VPS53: variants seen among roughly 807,000 people sequenced by gnomAD.
VPS53 encodes the protein VPS53 subunit of GARP complex, also known as vacuolar protein sorting-associated protein 53 homolog.
In VPS53, 70 loss-of-function variants were observed where a neutral mutation model predicts 107.0. The observed-to-expected ratio is 0.65, with a 90% CI of 0.54 to 0.80. VPS53 has a LOEUF of 0.80. Ranked by LOEUF, VPS53 falls within the 30% of genes least tolerant of loss-of-function variation. VPS53 has a pLI of 0.00. For synonymous variants in VPS53, 409 were observed against 393.3 expected (o/e 1.04, Z -0.47); for missense variants, 917 against 1,049.4 (o/e 0.87, Z 1.74).
At chr17:560,310 G>A in intron 15 of VPS53, 116 bp downstream of exon 15, 3 of 1,347,694 alleles carry the variant, frequency 2.2e-6, no homozygotes, top group South Asian at 1.6e-5. Context: ...CAGGCCAACT[G>A]GTCTGACCCA....
chr17:563,771 A>C (rs552685915), intron 13 of VPS53, among the ~76,000 whole-genome samples: 3 of 152,350 alleles, frequency 2.0e-5, no homozygotes, highest in African/African-American at 7.2e-5. Flanking sequence ...TAAGCACTCT[A>C]CTTCCTAAAA....
At chr17:592,294 G>A (rs917347783) in intron 12 of VPS53, among the ~76,000 whole-genome samples, 2 of 152,122 alleles carry the variant, frequency 1.3e-5, no homozygotes, top group African/African-American at 4.8e-5. Context: ...CTCTGCCCGT[G>A]AGATGGGTTT....
rs1330861911 is a variant in VPS53, at chr17:509,173, T to A, written c.*9955A>T. 1 of 143,380 alleles carries A rather than the reference T, an allele frequency of 7.0e-6. No homozygotes were observed. Among genetic ancestry groups the A allele is most frequent in the African/African-American group, 2.7e-5 (1 of 37,648 alleles). The allele number at this position is 143,380 out of a possible 1,614,324, so 8.9% of individuals were successfully genotyped here. A position where few individuals can be genotyped will look rare whatever the true frequency, so the allele number is the denominator to read the frequency against. ...ATCAAATCCTGCCTCACCCCCTTACTAGTCACATATCAAATCCTGCCTCAC... is the reference window on the plus strand; with the variant it reads ...ATCAAATCCTGCCTCACCCCCTTACAAGTCACATATCAAATCCTGCCTCAC... On this transcript the variant is annotated 3_prime_UTR_variant, in exon 22 of 22. Transcript: ENST00000437048.
intron 12 of VPS53, among the ~76,000 whole-genome samples, chr17:587,998 CT>C (rs1489018511): frequency 6.6e-6 from 1 of 152,194 alleles, no homozygotes; most frequent in African/African-American, 2.4e-5. Flanking sequence ...CCTCCCACCC[CT>C]GTTGTTACGA....
At chr17:613,757 C>G (rs1244180130) in intron 11 of VPS53, among the ~76,000 whole-genome samples, 1 of 152,014 alleles carries the variant, frequency 6.6e-6, no homozygotes, top group African/African-American at 2.4e-5. Flanking sequence ...TAGCAGTATT[C>G]AAATAGTGAA....
intron 7 of VPS53, among the ~76,000 whole-genome samples, chr17:642,350 G>C (rs539375454): frequency 2.2e-3 from 326 of 149,674 alleles, no homozygotes; most frequent in African/African-American, 7.6e-3. Context: ...TACTTGGAAA[G>C]CGAGGACAAC....
chr17:593,347 G>A (rs1415493410), intron 12 of VPS53, among the ~76,000 whole-genome samples: 1 of 152,112 alleles, frequency 6.6e-6, no homozygotes, highest in Non-Finnish European at 1.5e-5. Context: ...CACAGCAAAA[G>A]AAACTACCAT....
At chr17:576,915 G>A (rs538797247) in intron 13 of VPS53, among the ~76,000 whole-genome samples, 2 of 141,398 alleles carry the variant, frequency 1.4e-5, no homozygotes, top group African/African-American at 5.4e-5. Flanking sequence ...AACCTAATGC[G>A]TTCCCAGAAA....
chr17:663,768 C>T (rs980237216), intron 4 of VPS53, among the ~76,000 whole-genome samples: 6 of 152,304 alleles, frequency 3.9e-5, no homozygotes, highest in Admixed American at 3.9e-4. Context: ...TGAGTATTTA[C>T]TGAATGCCTC....
chr17:573,690 CA>C (rs145505990), intron 13 of VPS53, among the ~76,000 whole-genome samples: 2,364 of 152,296 alleles, frequency 0.016, 26 homozygotes, highest in Middle Eastern at 0.031. Context: ...TTATGATCCT[CA>C]CAGTGTAGAG....
rs1177385780 is a variant in VPS53 at position 517,515 on chromosome 17, T to G, written c.*1613A>C. 2.5e-6 allele frequency: 1 copy of G among 398,344 alleles called. No homozygotes were observed. Among genetic ancestry groups the G allele is most frequent in the East Asian group, 3.6e-5 (1 of 28,080 alleles). The allele number at this position is 398,344 out of a possible 1,614,324, so 24.7% of individuals were successfully genotyped here. A position where few individuals can be genotyped will look rare whatever the true frequency, so the allele number is the denominator to read the frequency against. On this transcript the variant is annotated 3_prime_UTR_variant, in exon 22 of 22. Transcript: ENST00000437048. ...CAAGTTTTATGGATTTTAAGGAAAT[T>G]TCCTCTATCCTGAAAACTTTTTGAG...
rs1223465792 is a variant in VPS53, at chr17:610,467, G to GT, written c.1117-8572dup. Among the ~76,000 whole-genome samples the GT allele has an allele frequency of 2.0e-5, 3 of 152,078 alleles. No individual in the cohort carries two copies. The East Asian group carries it at 5.8e-4, about 29-fold the overall frequency. ...GTAAGTCTCTGTAGCCTTGGATTAC[G>GT]TAACAGTTTCTTGGATATGACACTA... On this transcript the variant is annotated intron_variant, in intron 11 of 21. Transcript: ENST00000437048.
At chr17:670,035 G>A (rs1407907057) in intron 4 of VPS53, among the ~76,000 whole-genome samples, 4 of 152,268 alleles carry the variant, frequency 2.6e-5, no homozygotes, top group African/African-American at 4.8e-5. Context: ...GTTTCTGAAC[G>A]GAGCACTGGA....
chr17:521,553 A>G, intron 20 of VPS53, 48 bp downstream of exon 20: 2 of 1,485,956 alleles, frequency 1.3e-6, no homozygotes, highest in Non-Finnish European at 1.8e-6. Context: ...GGCTTCTCAG[A>G]AAAAGAGATT....
intron 12 of VPS53, among the ~76,000 whole-genome samples, chr17:593,930 C>T (rs944014010): frequency 2.0e-5 from 3 of 152,178 alleles, no homozygotes; most frequent in African/African-American, 7.2e-5. Flanking sequence ...CAATGATAGA[C>T]TGGATTAAGA....
At chr17:655,598 T>C (rs147501689) in intron 6 of VPS53, among the ~76,000 whole-genome samples, 1 of 152,296 alleles carries the variant, frequency 6.6e-6, no homozygotes, top group African/African-American at 2.4e-5. Flanking sequence ...ATGGGCCATA[T>C]TCTTGGAGTC....
chr17:693,232 G>C (rs147824746), intron 4 of VPS53, among the ~76,000 whole-genome samples: 1 of 152,322 alleles, frequency 6.6e-6, no homozygotes, highest in African/African-American at 2.4e-5. Context: ...CACAAGAGGA[G>C]TGATGCTGGC....
chr17:575,963 A>T (rs936744611), intron 13 of VPS53, among the ~76,000 whole-genome samples: 2 of 151,748 alleles, frequency 1.3e-5, no homozygotes, highest in African/African-American at 4.8e-5. Context: ...TTCCCAGAGA[A>T]CTTCACTCAG....
At chr17:572,449 C>G (rs61952874) in intron 13 of VPS53, among the ~76,000 whole-genome samples, 1 of 128,198 alleles carries the variant, frequency 7.8e-6, no homozygotes, top group East Asian at 2.4e-4. Context: ...CCGCCCCATC[C>G]GGGAGGTGAG....
Sources: gnomAD v4.1 joint callset for allele counts (sites outside exome capture counted in the v4.1 genomes callset) on GRCh38, gnomAD v4.1.1 for gene constraint, MANE v1.5 for transcripts, NCBI Gene and HGNC (gene_info 2026-07-23, HGNC 2026-07-21) for gene names.